The following KLHL3 variants were observed in gnomAD, a reference collection of about 807,000 sequenced individuals.
The protein encoded by KLHL3 is kelch-like protein 3.
In KLHL3, 19 loss-of-function variants were observed where a neutral mutation model predicts 70.5. That is an observed-to-expected ratio of 0.27 (90% confidence interval 0.19 to 0.40). KLHL3 has a LOEUF of 0.40. Ranked by LOEUF, KLHL3 falls within the 10% of genes least tolerant of loss-of-function variation. The pLI is 1.00. For synonymous variants in KLHL3, 258 were observed against 290.3 expected, an observed-to-expected ratio of 0.89 and a Z score of 1.13; for missense variants, 512 against 771.1, an observed-to-expected ratio of 0.66 and a Z score of 3.98.
intron 11 of KLHL3, among the ~76,000 whole-genome samples, chr5:137,634,789 T>C (rs538082798): frequency 2.6e-5 from 4 of 152,258 alleles, no homozygotes; most frequent in South Asian, 2.1e-4. Flanking sequence ...TGAGGTGCCG[T>C]CATTTACTTT....
In KLHL3 at chr5:137,634,046, T is replaced by C. The variant is rs780721377; in HGVS notation, c.1441A>G (p.Ser481Gly). ...CGAGGTTCTCCCATACCTGCGCCAC[T>C]GCGGCGGGTGCTCATGTCCGCCACG... ...IYVADMSTRR[S>G]GAGVGVLSGQ... is the part of the protein sequence containing the mutation. Residue 481 changes from serine (S) to glycine (G), a missense_variant, in exon 12 of 15, where the codon AGT becomes GGT. Coordinates refer to ENST00000309755, the MANE Select transcript of KLHL3 (RefSeq NM_017415.3). 1 of 1,614,190 alleles carries C rather than the reference T, an allele frequency of 6.2e-7. No individual in the cohort carries two copies. Among genetic ancestry groups the C allele is most frequent in the Non-Finnish European group, 8.5e-7 (1 of 1,180,036 alleles).
intron 8 of KLHL3, among the ~76,000 whole-genome samples, chr5:137,640,812 G>A (rs1362460482): frequency 1.3e-5 from 2 of 152,132 alleles, no homozygotes; most frequent in Non-Finnish European, 2.9e-5. Flanking sequence ...AACACAGGTC[G>A]CTTTCCATTA....
chr5:137,624,584 C>T (rs1750408024), intron 14 of KLHL3, among the ~76,000 whole-genome samples: 2 of 152,210 alleles, frequency 1.3e-5, no homozygotes, highest in Admixed American at 1.3e-4. Flanking sequence ...TTGCACAGCA[C>T]AATCTTCCTC....
intron 1 of KLHL3, among the ~76,000 whole-genome samples, chr5:137,733,112 C>T (rs1419550256): frequency 1.3e-5 from 2 of 152,128 alleles, no homozygotes; most frequent in African/African-American, 4.8e-5. Context: ...GTGGAATGAG[C>T]ACCAGATTGA....
chr5:137,637,259 GTAGGCCTGGC>G, intron 11 of KLHL3, 25 bp downstream of exon 11: 1 of 1,570,728 alleles, frequency 6.4e-7, no homozygotes, highest in Non-Finnish European at 8.8e-7. Context: ...CGTGGGCCAG[GTAGGCCTGGC>G]CACTGGCCAC....
intron 2 of KLHL3, among the ~76,000 whole-genome samples, chr5:137,717,904 C>A (rs984764150): frequency 9.2e-5 from 14 of 152,074 alleles, no homozygotes; most frequent in Non-Finnish European, 1.8e-4. Flanking sequence ...TAAATTTCAG[C>A]AAAGGACTAT....
Position 137,639,878 on chromosome 5 carries a change from A to G in KLHL3, c.1003T>C (p.Ser335Pro). The G allele has an allele frequency of 6.2e-7, 1 of 1,613,948 alleles. No homozygotes were observed. Among genetic ancestry groups the G allele is most frequent in the African/African-American group, 1.3e-5 (1 of 75,016 alleles). ...DRWDQIAELP[S>P]RRCRAGVVFM... is the part of the protein sequence containing the mutation. ...TGCTCACCTGCTCTGCATCTTCTGG[A>G]AGGAAGCTCAGCAATCTGATCCCAC... The change falls in exon 9 of 15, where the codon TCC becomes CCC. Residue 335 changes from serine (S) to proline (P), a missense_variant. Transcript: ENST00000309755. This position sits in a 1 kb window ranked among gnomAD's most constrained non-coding sequence, Gnocchi z 5.0.
chr5:137,712,156 CAAAAAA>C (rs201519598), intron 2 of KLHL3, among the ~76,000 whole-genome samples: 8 of 74,872 alleles, frequency 1.1e-4, no homozygotes, highest in African/African-American at 2.7e-4. Context: ...AAGATTCTGT[CAAAAAA>C]AAAAAAAAAA....
intron 2 of KLHL3, among the ~76,000 whole-genome samples, chr5:137,713,889 T>C (rs1752844831): frequency 6.6e-6 from 1 of 152,184 alleles, no homozygotes; most frequent in South Asian, 2.1e-4. Context: ...TTTTTTATTA[T>C]TATACATTAA....
At chr5:137,731,578 G>A (rs1657431062) in intron 1 of KLHL3, among the ~76,000 whole-genome samples, 2 of 152,096 alleles carry the variant, frequency 1.3e-5, no homozygotes, top group South Asian at 2.1e-4. Context: ...TTGCTCAGAA[G>A]TTCCCTGAGG....
intron 1 of KLHL3, among the ~76,000 whole-genome samples, chr5:137,727,445 C>T (rs1232166031): frequency 2.0e-5 from 3 of 152,156 alleles, no homozygotes; most frequent in African/African-American, 7.2e-5. Context: ...CTACATGAAG[C>T]CTCACTGATT....
intron 8 of KLHL3, among the ~76,000 whole-genome samples, chr5:137,656,320 C>T: frequency 6.6e-6 from 1 of 152,094 alleles, no homozygotes; most frequent in Non-Finnish European, 1.5e-5. Flanking sequence ...AATTTAAATG[C>T]TGATTTCACC....
chr5:137,665,848 AGGAAAGGGAAGG>A (rs1751600449), intron 6 of KLHL3, among the ~76,000 whole-genome samples: 2 of 152,198 alleles, frequency 1.3e-5, no homozygotes, highest in Admixed American at 6.5e-5. Flanking sequence ...TGGCAAGGAA[AGGAAAGGGAAGG>A]GGAAAGGGGA....
At chr5:137,688,219 G>A (rs913664522) in intron 5 of KLHL3, among the ~76,000 whole-genome samples, 3 of 151,558 alleles carry the variant, frequency 2.0e-5, no homozygotes, top group Non-Finnish European at 4.4e-5. Flanking sequence ...TCCCTAGTGT[G>A]CAGAGCATAG....
rs540540592 is a variant in KLHL3, at chr5:137,632,869, A to G, written c.1450+1168T>C. 2.8e-4 allele frequency among the ~76,000 whole-genome samples: 42 copies of G among 152,350 alleles called. 1 individual carries two copies. The South Asian group carries it at 8.7e-3, about 32-fold the overall frequency. On this transcript the variant is annotated intron_variant, in intron 12 of 14. Coordinates refer to ENST00000309755, the MANE Select transcript of KLHL3 (RefSeq NM_017415.3). ...AGGATATACATACAGACATTTCTCAAAATAAGGCATGCCAGTGTGGCCAAT... is the reference window on the plus strand; with the variant it reads ...AGGATATACATACAGACATTTCTCAGAATAAGGCATGCCAGTGTGGCCAAT...
chr5:137,717,367 A>G (rs1309028451), intron 2 of KLHL3, among the ~76,000 whole-genome samples: 1 of 152,208 alleles, frequency 6.6e-6, no homozygotes, highest in African/African-American at 2.4e-5. Flanking sequence ...ATTAGCTATA[A>G]AAAACATAAA....
chr5:137,658,570 T>G (rs1669033226), intron 7 of KLHL3, among the ~76,000 whole-genome samples: 2 of 152,166 alleles, frequency 1.3e-5, no homozygotes, highest in African/African-American at 4.8e-5. Context: ...TCACTAGTTT[T>G]GTTTGTTTTG....
intron 2 of KLHL3, among the ~76,000 whole-genome samples, chr5:137,710,179 T>C (rs1358434258): frequency 6.6e-6 from 1 of 152,162 alleles, no homozygotes; most frequent in Non-Finnish European, 1.5e-5. Flanking sequence ...GTTTTGCGGC[T>C]CAGGGAACAG....
rs916710022 is a variant in KLHL3 at position 137,692,190 on chromosome 5, G to A, written c.526+95C>T. On this transcript the variant is annotated intron_variant, in intron 5 of 14. Transcript: ENST00000309755. ...ACTAAATCATAGCTGCTTCACAGCA[G>A]AGACCACTTCTCATAATCTTTGAGG... is the stretch of plus-strand genomic sequence containing the variant. The A allele has an allele frequency of 4.1e-5, 45 of 1,102,526 alleles. 1 individual carries two copies. The South Asian group carries it at 6.7e-4, about 16-fold the overall frequency. 68.3% of individuals were successfully genotyped at this position (1,102,526 alleles called of 1,614,324 possible). A position where few individuals can be genotyped will look rare whatever the true frequency, so the allele number is the denominator to read the frequency against.
Sources: gnomAD v4.1 joint callset for allele counts (sites outside exome capture counted in the v4.1 genomes callset) on GRCh38, gnomAD v4.1.1 for gene constraint, Gnocchi (gnomAD v3.1) non-coding constraint, MANE v1.5 for transcripts, NCBI Gene and HGNC (gene_info 2026-07-23, HGNC 2026-07-21) for gene names.